CD163L1: variants seen among roughly 807,000 people sequenced by gnomAD.
CD163L1 encodes the protein CD163 molecule like 1.
Under a neutral mutation model 165.4 loss-of-function variants are expected in CD163L1, and 124 were observed. That is an observed-to-expected ratio of 0.75 (90% CI 0.65 to 0.87). The LOEUF (loss-of-function observed/expected upper bound fraction) is 0.87, where lower values mean the gene tolerates loss of function less well. Ranked by LOEUF, CD163L1 falls within the 40% of genes least tolerant of loss-of-function variation. The pLI is 0.00. For synonymous variants in CD163L1, 585 were observed against 662.2 expected, an observed-to-expected ratio of 0.88 and a Z score of 1.79; for missense variants, 1,525 against 1,799.9, an observed-to-expected ratio of 0.85 and a Z score of 2.76.
Position 7,369,572 on chromosome 12 carries a change from C to G in CD163L1, c.3824G>C (p.Trp1275Ser), listed in dbSNP as rs1169623514. ...CACCACTTCCGCCTCGGCCAGGTCCCAGGAGTCATCACACACTGTGCCCCA... is the reference window on the plus strand; with the variant it reads ...CACCACTTCCGCCTCGGCCAGGTCCGAGGAGTCATCACACACTGTGCCCCA... ...GSWGTVCDDSWDLAEAEVVCQ... is the reference protein window; with the variant it reads ...GSWGTVCDDSSDLAEAEVVCQ... Residue 1275 changes from tryptophan to serine, a missense_variant, in exon 15 of 20, where the codon TGG (tryptophan) becomes TCG (serine). Transcript: ENST00000313599. This position sits in a 1 kb window ranked among gnomAD's most constrained non-coding sequence, Gnocchi z 4.9. The G allele has an allele frequency of 6.2e-7, 1 of 1,614,186 alleles. No individual in the cohort carries two copies. Among genetic ancestry groups the G allele is most frequent in the Admixed American group, 1.7e-5 (1 of 60,026 alleles).
Position 7,369,292 on chromosome 12 carries a change from CT to C in CD163L1, c.4039+64del, listed in dbSNP as rs927136738. On this transcript the variant is annotated intron_variant, in intron 15 of 19. Coordinates refer to ENST00000313599, the MANE Select transcript of CD163L1 (RefSeq NM_174941.6). The surrounding 1 kb of genome is among the most constrained non-coding windows in gnomAD (Gnocchi z 4.9). ...CTTCAGCTCAACTCTCTGAGTGAGC[CT>C]GTTTCCCAGTGTTCTCTACCATTAG... 2.7e-6 allele frequency: 4 copies of C among 1,502,736 alleles called. No individual in the cohort carries two copies. The highest frequency in any genetic ancestry group is 3.6e-6 in the Non-Finnish European group (4 of 1,096,482). 93.1% of individuals were successfully genotyped at this position (1,502,736 alleles called of 1,614,324 possible).
At position 7,407,808 on chromosome 12, in the gene CD163L1, G is replaced by GACACAC. The variant is rs1174251700; in HGVS notation, c.767-962_767-957dup. 1.1e-3 allele frequency among the ~76,000 whole-genome samples: 117 copies of GACACAC among 109,324 alleles called. 2 individuals carry two copies. The South Asian group carries it at 0.019, about 17-fold the overall frequency. 71.7% of individuals were successfully genotyped at this position (109,324 alleles called of 152,430 possible). Reference sequence around the variant, plus strand: ...ACACACACACACACACACACACACAGACACACACACACACACACATACACA... The same window carrying GACACAC: ...ACACACACACACACACACACACACAGACACACACACACACACACACACACATACACA... On this transcript the variant is annotated intron_variant, in intron 4 of 19. Coordinates refer to ENST00000313599, the MANE Select transcript of CD163L1 (RefSeq NM_174941.6).
intron 2 of CD163L1, chr12:7,439,242 T>C (rs1361928005): frequency 5.1e-6 from 8 of 1,570,052 alleles, no homozygotes; most frequent in Non-Finnish European, 6.9e-6. Context: ...CTTTTTTTGT[T>C]TTTCTATTTT....
rs773885778 is a variant in CD163L1 at position 7,432,403 on chromosome 12, C to G, written c.766+13G>C. 6 of 1,587,314 alleles carry G rather than the reference C, an allele frequency of 3.8e-6. No individual in the cohort carries two copies. The highest frequency in any genetic ancestry group is 1.3e-5 in the African/African-American group (1 of 74,316). ...ATTGTTCCTTTCTTCTACATGATGTCTTGGGTTCTTACCATAACAAGTTAA... is the reference window on the plus strand; with the variant it reads ...ATTGTTCCTTTCTTCTACATGATGTGTTGGGTTCTTACCATAACAAGTTAA... On this transcript the variant is annotated intron_variant, in intron 4 of 19. Transcript: ENST00000313599. The surrounding 1 kb of genome is among the most constrained non-coding windows in gnomAD (Gnocchi z 4.2).
chr12:7,340,241 G>A, the CD163L1 span, among the ~76,000 whole-genome samples: 2,562 of 152,196 alleles, frequency 0.017, 77 homozygotes, highest in African/African-American at 0.058. Context: ...GTGTTGCTTT[G>A]AGATAAGTAA....
Position 7,406,713 on chromosome 12 carries a change from C to T in CD163L1, c.906G>A (p.Gln302=), listed in dbSNP as rs761427685. The change falls in exon 5 of 20, where the codon CAG becomes CAA. Residue 302 remains glutamine, a synonymous_variant. Coordinates refer to ENST00000313599, the MANE Select transcript of CD163L1 (RefSeq NM_174941.6). ...NNAAADVVCK[Q]LGCGTALHFA... is the part of the protein sequence containing the mutation. ...AGTGAAGTGCGGTTCCACATCCCAA[C>T]TGCTTGCATACGACATCAGCTGCAG... 8 of 1,613,992 alleles carry T rather than the reference C, an allele frequency of 5.0e-6. No individual in the cohort carries two copies. Among genetic ancestry groups the T allele is most frequent in the Non-Finnish European group, 6.8e-6 (8 of 1,179,994 alleles).
rs147836209 is a variant in CD163L1, at chr12:7,375,400, C to A, written c.2882G>T (p.Arg961Leu). ...GGKYIGERSVRVWGHRFHCLG... is the reference protein window; with the variant it reads ...GGKYIGERSVLVWGHRFHCLG... ...GCAATGAAACCTGTGTCCCCACACACGAACACTTCTTTCTCCAATATATTT... is the reference window on the plus strand; with the variant it reads ...GCAATGAAACCTGTGTCCCCACACAAGAACACTTCTTTCTCCAATATATTT... Residue 961 changes from arginine to leucine, a missense_variant, in exon 11 of 20, where the codon CGT becomes CTT. Arg to Leu is a moderately radical substitution (Grantham distance 102, BLOSUM62 -2). Transcript: ENST00000313599. The A allele has an allele frequency of 1.2e-6, 2 of 1,614,162 alleles. No homozygotes were observed. Among genetic ancestry groups the A allele is most frequent in the Non-Finnish European group, 1.7e-6 (2 of 1,180,030 alleles).
intron 8 of CD163L1, among the ~76,000 whole-genome samples, chr12:7,392,113 G>A (rs1947668425): frequency 6.6e-6 from 1 of 152,054 alleles, no homozygotes; most frequent in Admixed American, 6.5e-5. Context: ...CAAATCAACA[G>A]AATATATATT....
intron 8 of CD163L1, among the ~76,000 whole-genome samples, chr12:7,381,023 CAATGT>C (rs1257841630): frequency 6.6e-6 from 1 of 152,008 alleles, no homozygotes; most frequent in Non-Finnish European, 1.5e-5. Flanking sequence ...AATTATATAA[CAATGT>C]AATACTTCTT....
At chr12:7,439,406 A>G in intron 2 of CD163L1, 1 of 1,597,800 alleles carries the variant, frequency 6.3e-7, no homozygotes, top group Non-Finnish European at 8.5e-7. Context: ...TCCTTAAATC[A>G]AACTAAACTT....
intron 1 of CD163L1, among the ~76,000 whole-genome samples, chr12:7,443,167 AAGG>A (rs1405220278): frequency 1.3e-5 from 2 of 152,216 alleles, no homozygotes; most frequent in African/African-American, 4.8e-5. Context: ...CTTTTTCAAA[AAGG>A]AGGCTTTGAA....
At chr12:7,421,437 A>G (rs1385633586) in intron 4 of CD163L1, among the ~76,000 whole-genome samples, 17 of 114,972 alleles carry the variant, frequency 1.5e-4, no homozygotes, top group African/African-American at 5.6e-4. Flanking sequence ...ATGTACATAT[A>G]TACATATACA....
chr12:7,373,705 G>A (rs1947193840), intron 13 of CD163L1, 65 bp from the exon 14 acceptor site: 2 of 1,405,652 alleles, frequency 1.4e-6, no homozygotes, highest in Admixed American at 4.6e-5. Context: ...CCTCCCCAAG[G>A]AATCCATTTT....
At chr12:7,434,444 T>C (rs1048376218) in intron 2 of CD163L1, among the ~76,000 whole-genome samples, 4 of 152,154 alleles carry the variant, frequency 2.6e-5, no homozygotes, top group African/African-American at 9.7e-5. Flanking sequence ...GAAGTTAATA[T>C]TAACCCAAAT....
At position 7,406,743 on chromosome 12, in the gene CD163L1, G is replaced by A; in HGVS notation, c.876C>T (p.Asn292=). ...RWGTVCHHKW[N]NAAADVVCKQ... ...TGCATACGACATCAGCTGCAGCATT[G>A]TTCCACTTATGGTGGCATACGGTCC... The change falls in exon 5 of 20, where the codon AAC becomes AAT. Residue 292 remains asparagine (N), a synonymous_variant. Transcript: ENST00000313599. The A allele has an allele frequency of 6.2e-7, 1 of 1,613,986 alleles. No homozygotes were observed. Among genetic ancestry groups the A allele is most frequent in the Non-Finnish European group, 8.5e-7 (1 of 1,179,982 alleles).
chr12:7,343,326 C>T (rs185529058), downstream of CD163L1, among the ~76,000 whole-genome samples: 20 of 152,270 alleles, frequency 1.3e-4, no homozygotes, highest in Middle Eastern at 3.4e-3. Flanking sequence ...ATAATTATAA[C>T]AATTTGTGAC....
At chr12:7,441,284 C>T in intron 1 of CD163L1, 38 bp from the exon 2 acceptor site, 1 of 1,475,432 alleles carries the variant, frequency 6.8e-7, no homozygotes, top group Non-Finnish European at 9.5e-7. Flanking sequence ...AATTTCATGT[C>T]TTTCTAAGAA....
In CD163L1 at chr12:7,400,968, C is replaced by T. The variant is rs778050857; in HGVS notation, c.1409-2384G>A. ...CACAGCAGAAAAATGGCCAAAGAAG[C>T]AGAAATGCTAACACATAAACAAATA... On this transcript the variant is annotated intron_variant, in intron 6 of 19. Transcript: ENST00000313599. The surrounding 1 kb of genome is among the most constrained non-coding windows in gnomAD (Gnocchi z 4.1). Among the ~76,000 whole-genome samples the T allele has an allele frequency of 6.6e-6, 1 of 151,998 alleles. No homozygotes were observed. Among genetic ancestry groups the T allele is most frequent in the African/African-American group, 2.4e-5 (1 of 41,396 alleles).
intron 2 of CD163L1, chr12:7,440,074 A>C: frequency 4.8e-6 from 5 of 1,037,340 alleles, no homozygotes; most frequent in Non-Finnish European, 5.8e-6. Flanking sequence ...GCCCTACTCC[A>C]CATCAGCGGC....
Sources: allele counts gnomAD v4.1 joint callset (sites outside exome capture counted in the v4.1 genomes callset), GRCh38; gene constraint gnomAD v4.1.1; non-coding constraint Gnocchi (gnomAD v3.1); transcripts MANE v1.5; gene names NCBI Gene and HGNC (gene_info 2026-07-23, HGNC 2026-07-21).